GCNT2: variants seen among roughly 807,000 people sequenced by gnomAD.
The protein encoded by GCNT2 is glucosaminyl (N-acetyl) transferase 2 (I blood group), also known as N-acetyllactosaminide beta-1,6-N-acetylglucosaminyl-transferase.
Under a neutral mutation model 34.2 loss-of-function variants are expected in GCNT2, and 34 were observed. The observed-to-expected ratio is 1.00, with a 90% CI of 0.76 to 1.32. GCNT2 has a LOEUF of 1.32. Ranked by LOEUF, GCNT2 falls within the 40% of genes most tolerant of loss-of-function variation. The pLI is 0.00. For synonymous variants in GCNT2, 212 were observed against 188.0 expected, an observed-to-expected ratio of 1.13 and a Z score of -1.04; for missense variants, 584 against 489.4, an observed-to-expected ratio of 1.19 and a Z score of -1.82.
At chr6:10,585,958 GAA>G (rs1237202831) in intron 3 of GCNT2, 1 of 1,612,176 alleles carries the variant, frequency 6.2e-7, no homozygotes. Context: ...TCCCTGAAAA[GAA>G]GAGATTGTTT....
chr6:10,583,218 C>G (rs1371740967), intron 3 of GCNT2, among the ~76,000 whole-genome samples: 1 of 152,172 alleles, frequency 6.6e-6, no homozygotes, highest in Non-Finnish European at 1.5e-5. Flanking sequence ...AATCAATATC[C>G]ATCGCATCCA....
At chr6:10,619,208 T>G (rs1313579596) in intron 3 of GCNT2, 1 of 152,216 alleles carries the variant, frequency 6.6e-6, no homozygotes, top group Non-Finnish European at 1.5e-5. Flanking sequence ...ATTTTAGGAA[T>G]GATCCCTCTC....
intron 3 of GCNT2, among the ~76,000 whole-genome samples, chr6:10,568,873 G>A (rs1763400918): frequency 6.6e-6 from 1 of 152,076 alleles, no homozygotes; most frequent in Admixed American, 6.5e-5. Context: ...TTAATGGTAT[G>A]TCATTCAATG....
chr6:10,551,388 C>T (rs2113637325), intron 3 of GCNT2, among the ~76,000 whole-genome samples: 1 of 151,748 alleles, frequency 6.6e-6, no homozygotes, highest in African/African-American at 2.4e-5. Context: ...ACTTCTTTCC[C>T]CGCCTCTGAG....
intron 3 of GCNT2, among the ~76,000 whole-genome samples, chr6:10,613,178 G>A (rs1765630340): frequency 6.6e-6 from 1 of 152,134 alleles, no homozygotes; most frequent in South Asian, 2.1e-4. Flanking sequence ...AGAACGTCAA[G>A]TCAATATAAA....
At chr6:10,595,137 AC>A (rs35251320) in intron 3 of GCNT2, among the ~76,000 whole-genome samples, 1 of 152,124 alleles carries the variant, frequency 6.6e-6, no homozygotes, top group Admixed American at 6.5e-5. Context: ...AGCTTCACTT[AC>A]CCCTTACATA....
chr6:10,545,323 G>A (rs529281214), intron 3 of GCNT2, among the ~76,000 whole-genome samples: 3 of 151,976 alleles, frequency 2.0e-5, no homozygotes, highest in East Asian at 3.9e-4. Flanking sequence ...ATTGGTCTGC[G>A]CTATCGACAT....
chr6:10,581,973 T>C lies in GCNT2; in HGVS notation c.926-39378T>C, dbSNP rs1028441032. On this transcript the variant is annotated intron_variant, in intron 3 of 4. Transcript: ENST00000495262. ...ATAATAAAATAGTAATATATATATA[T>C]ACACACACTTATATGTATATATAAA... 90 of 330,866 alleles carry C rather than the reference T, an allele frequency of 2.7e-4. 2 individuals are homozygous for C. The highest frequency in any genetic ancestry group is 4.9e-4 in the South Asian group (4 of 8,242). 20.5% of individuals were successfully genotyped at this position (330,866 alleles called of 1,614,324 possible).
At position 10,528,949 on chromosome 6, in the gene GCNT2, CTCT is replaced by C; in HGVS notation, c.40_42del (p.Leu14del). The C allele has an allele frequency of 6.2e-7, 1 of 1,614,010 alleles. No homozygotes were observed. The highest frequency in any genetic ancestry group is 8.5e-7 in the Non-Finnish European group (1 of 1,179,872). The stretch of plus-strand genomic sequence containing the variant: ...TGGAAGCACTGTCTTTTTAGCGCGT[CTCT>C]TATCTCTGCCCTGATTTTTGTATTT... On this transcript the variant is annotated inframe_deletion, in exon 3 of 5. Transcript: ENST00000495262.
intron 3 of GCNT2, among the ~76,000 whole-genome samples, chr6:10,545,666 G>C (rs1762236240): frequency 6.6e-6 from 1 of 152,112 alleles, no homozygotes; most frequent in African/African-American, 2.4e-5. Context: ...TTCAAATCCT[G>C]AGCCATGTGA....
At chr6:10,548,820 G>A (rs958650982) in intron 3 of GCNT2, among the ~76,000 whole-genome samples, 1 of 151,666 alleles carries the variant, frequency 6.6e-6, no homozygotes, top group Non-Finnish European at 1.5e-5. Flanking sequence ...GTGCAATGGC[G>A]TGATCTCAGT....
intron 3 of GCNT2, among the ~76,000 whole-genome samples, chr6:10,559,695 C>G (rs1210254497): frequency 1.3e-5 from 2 of 152,258 alleles, no homozygotes; most frequent in African/African-American, 2.4e-5. Context: ...GAGGCGAGAG[C>G]TCCTCCAGAG....
At chr6:10,619,739 C>A (rs1489192213) in intron 3 of GCNT2, 2 of 152,088 alleles carry the variant, frequency 1.3e-5, no homozygotes, top group African/African-American at 2.4e-5. Context: ...GCAGCTTCAA[C>A]AACATAAATA....
At chr6:10,614,926 C>G (rs1765701355) in intron 3 of GCNT2, among the ~76,000 whole-genome samples, 1 of 152,198 alleles carries the variant, frequency 6.6e-6, no homozygotes, top group Non-Finnish European at 1.5e-5. Context: ...AACTGGTCCT[C>G]TGCTCAGTGC....
At chr6:10,599,765 G>A (rs1445675300) in intron 3 of GCNT2, among the ~76,000 whole-genome samples, 1 of 152,186 alleles carries the variant, frequency 6.6e-6, no homozygotes, top group Non-Finnish European at 1.5e-5. Flanking sequence ...GGCAAAGGAG[G>A]AGAAGGCACA....
At chr6:10,540,040 T>TGCACTCCA (rs1761966299) in intron 3 of GCNT2, among the ~76,000 whole-genome samples, 1 of 151,016 alleles carries the variant, frequency 6.6e-6, no homozygotes, top group African/African-American at 2.4e-5. Context: ...GTCGTGACAT[T>TGCACTCCA]GCACTCCAGT....
intron 3 of GCNT2, among the ~76,000 whole-genome samples, chr6:10,542,810 C>T (rs1487036567): frequency 6.6e-6 from 1 of 150,934 alleles, no homozygotes; most frequent in African/African-American, 2.4e-5. Context: ...ATGAACATTC[C>T]TGAACAAGTC....
intron 3 of GCNT2, among the ~76,000 whole-genome samples, chr6:10,588,805 G>GTC (rs1209586477): frequency 2.0e-5 from 3 of 147,584 alleles, no homozygotes; most frequent in Non-Finnish European, 3.0e-5. Flanking sequence ...GTGTGTGTGT[G>GTC]TGTGGTGTAT....
chr6:10,604,731 C>T (rs956741970), intron 3 of GCNT2, among the ~76,000 whole-genome samples: 1 of 151,964 alleles, frequency 6.6e-6, no homozygotes, highest in African/African-American at 2.4e-5. Flanking sequence ...CACGGTGGCA[C>T]ATCCAGCTAG....
Sources: allele counts gnomAD v4.1 joint callset (sites outside exome capture counted in the v4.1 genomes callset), GRCh38; gene constraint gnomAD v4.1.1; transcripts MANE v1.5; gene names NCBI Gene and HGNC (gene_info 2026-07-23, HGNC 2026-07-21).